Variants in LRCH1 observed in about 807,000 individuals in gnomAD.
The protein encoded by LRCH1 is leucine-rich repeat and calponin homology domain-containing protein 1.
Under a neutral mutation model 94.9 loss-of-function variants are expected in LRCH1, and 23 were observed. The observed-to-expected ratio is 0.24, with a 90% CI of 0.17 to 0.34. LRCH1 has a LOEUF of 0.34. Ranked by LOEUF, LRCH1 falls within the 10% of genes least tolerant of loss-of-function variation. LRCH1 has a pLI of 1.00. For missense variants in LRCH1, 790 were observed against 945.9 expected (o/e 0.84, Z 2.16); for synonymous variants, 364 against 354.9 (o/e 1.03, Z -0.29).
downstream of LRCH1, among the ~76,000 whole-genome samples, chr13:46,747,653 T>C (rs947542656): frequency 5.3e-5 from 8 of 152,218 alleles, no homozygotes; most frequent in Non-Finnish European, 1.2e-4. Flanking sequence ...AAAATTGCTG[T>C]TCACATTCCT....
At chr13:46,610,438 A>G (rs1369830440) in intron 1 of LRCH1, among the ~76,000 whole-genome samples, 1 of 150,350 alleles carries the variant, frequency 6.7e-6, no homozygotes, top group Non-Finnish European at 1.5e-5. Flanking sequence ...GTAATATTTT[A>G]TTAAGTTATC....
rs369931666 is a variant in LRCH1 at position 46,710,236 on chromosome 13, G to GGA, written c.1528-1554_1528-1553dup. On this transcript the variant is annotated intron_variant, in intron 13 of 19. Coordinates refer to ENST00000389797, the MANE Select transcript of LRCH1 (RefSeq NM_001164211.2). Reference sequence around the variant, plus strand: ...TGTTTTAGGTGCTCAGGGACACTGGGGAAGGGGTAGAGTTTAAGGAGAGGA... The same window carrying GGA: ...TGTTTTAGGTGCTCAGGGACACTGGGGAGAAGGGGTAGAGTTTAAGGAGAGGA... 3.9e-4 allele frequency among the ~76,000 whole-genome samples: 60 copies of GGA among 152,326 alleles called. 1 individual carries two copies. Among genetic ancestry groups the GGA allele is most frequent in the African/African-American group, 1.4e-3 (58 of 41,572 alleles).
At position 46,742,616 on chromosome 13, in the gene LRCH1, A is replaced by G. The variant is rs1258123068; in HGVS notation, c.*768A>G. On this transcript the variant is annotated 3_prime_UTR_variant, in exon 20 of 20. Transcript: ENST00000389797. ...GTTTTTTACTGCTTAATTCCTTGTTAGGTCTTCTCTTGAGGCTCTTAGAAA... is the reference window on the plus strand; with the variant it reads ...GTTTTTTACTGCTTAATTCCTTGTTGGGTCTTCTCTTGAGGCTCTTAGAAA... 1.0e-6 allele frequency: 1 copy of G among 985,306 alleles called. No individual in the cohort carries two copies. Among genetic ancestry groups the G allele is most frequent in the Non-Finnish European group, 1.2e-6 (1 of 829,938 alleles). 61.0% of individuals were successfully genotyped at this position (985,306 alleles called of 1,614,324 possible). A position where few individuals can be genotyped will look rare whatever the true frequency, so the allele number is the denominator to read the frequency against.
intron 18 of LRCH1, among the ~76,000 whole-genome samples, chr13:46,731,633 T>C (rs986723987): frequency 6.6e-6 from 1 of 152,252 alleles, no homozygotes; most frequent in African/African-American, 2.4e-5. Context: ...TTTCTAAATA[T>C]CCACTTCTAC....
chr13:46,716,902 G>GTT (rs11311931), intron 16 of LRCH1, among the ~76,000 whole-genome samples: 2 of 149,296 alleles, frequency 1.3e-5, no homozygotes, highest in African/African-American at 4.9e-5. Context: ...CTTTACTTAA[G>GTT]TTTTTTTTTT....
At chr13:46,579,890 T>G (rs1463773750) in intron 1 of LRCH1, among the ~76,000 whole-genome samples, 1 of 152,246 alleles carries the variant, frequency 6.6e-6, no homozygotes, top group Non-Finnish European at 1.5e-5. Flanking sequence ...TTGGCTGATC[T>G]TAACCTTAGC....
intron 1 of LRCH1, among the ~76,000 whole-genome samples, chr13:46,631,317 T>C (rs2051014703): frequency 6.6e-6 from 1 of 152,236 alleles, no homozygotes; most frequent in Non-Finnish European, 1.5e-5. Flanking sequence ...TGAGGCTTTT[T>C]AGGTGGCTTC....
intron 1 of LRCH1, among the ~76,000 whole-genome samples, chr13:46,607,580 T>C (rs570360263): frequency 5.9e-5 from 9 of 152,034 alleles, no homozygotes; most frequent in African/African-American, 2.2e-4. Flanking sequence ...TCATTGTTCT[T>C]CTCCTTCTCC....
At chr13:46,701,088 G>A (rs998721084) in intron 10 of LRCH1, 33 bp from the exon 11 acceptor site, 7 of 1,362,496 alleles carry the variant, frequency 5.1e-6, no homozygotes, top group East Asian at 2.3e-5. Flanking sequence ...TGTATTGATC[G>A]TTTTCATTCT....
At chr13:46,652,138 G>A (rs1242523964) in intron 2 of LRCH1, among the ~76,000 whole-genome samples, 1 of 149,638 alleles carries the variant, frequency 6.7e-6, no homozygotes, top group Non-Finnish European at 1.5e-5. Flanking sequence ...GTGCAGTGGC[G>A]CGATCTCGGC....
intron 1 of LRCH1, among the ~76,000 whole-genome samples, chr13:46,635,897 A>G (rs1475456548): frequency 6.6e-6 from 1 of 151,486 alleles, no homozygotes; most frequent in East Asian, 1.9e-4. Flanking sequence ...CCCCCATACC[A>G]TGCCCCTCTC....
At chr13:46,643,445 C>G (rs2051183331) in intron 1 of LRCH1, among the ~76,000 whole-genome samples, 1 of 152,144 alleles carries the variant, frequency 6.6e-6, no homozygotes, top group African/African-American at 2.4e-5. Flanking sequence ...TTTTTCTCTC[C>G]CTTTTAAAGA....
At chr13:46,750,057 C>T (rs1406048508) in intron 18 of LRCH1, among the ~76,000 whole-genome samples, 1 of 152,186 alleles carries the variant, frequency 6.6e-6, no homozygotes. Flanking sequence ...TGCCAGTCCA[C>T]CCACTTGCCT....
At chr13:46,693,308 A>T (rs1406333126) in intron 8 of LRCH1, among the ~76,000 whole-genome samples, 1 of 152,234 alleles carries the variant, frequency 6.6e-6, no homozygotes, top group East Asian at 1.9e-4. Context: ...GTATTGATTT[A>T]AGGACCCAAG....
chr13:46,636,914 T>G (rs148795867), intron 1 of LRCH1, among the ~76,000 whole-genome samples: 28 of 152,284 alleles, frequency 1.8e-4, no homozygotes, highest in Middle Eastern at 3.4e-3. Flanking sequence ...TCACTCCTCT[T>G]TAGAGTTGAT....
intron 1 of LRCH1, among the ~76,000 whole-genome samples, chr13:46,628,660 G>GAAAA (rs749021332): frequency 3.4e-5 from 4 of 118,016 alleles, no homozygotes; most frequent in African/African-American, 3.3e-5. Context: ...CTGTCTCAGG[G>GAAAA]AAGAAAAAAA....
Position 46,728,868 on chromosome 13 carries a change from G to A in LRCH1, c.1891G>A (p.Val631Ile). ...ACAGAGCATTGAGATGAGATTGAAG[G>A]TCAGTCTACACGAAGACCTGGGGGC... Reference protein sequence around the residue: ...LRESIEMRLKVSLHEDLGAAL... With the variant: ...LRESIEMRLKISLHEDLGAAL... Residue 631 changes from valine (V) to isoleucine (I), a missense_variant, in exon 18 of 20, where the codon GTC (valine) becomes ATC (isoleucine). Physicochemically the swap from Val to Ile is conservative, Grantham distance 29 (BLOSUM62 3). Transcript: ENST00000389797. 6.2e-7 allele frequency: 1 copy of A among 1,609,028 alleles called. No homozygotes were observed. Among genetic ancestry groups the A allele is most frequent in the East Asian group, 2.2e-5 (1 of 44,742 alleles).
At chr13:46,717,055 CT>C (rs11304827) in intron 16 of LRCH1, among the ~76,000 whole-genome samples, 49,317 of 148,500 alleles carry the variant, frequency 0.33, 8,237 homozygotes, top group Non-Finnish European at 0.38. Context: ...AACCAAAGGC[CT>C]TTTTTTTTTT....
chr13:46,681,670 G>A, intron 3 of LRCH1, 71 bp from the exon 4 acceptor site: 5 of 1,024,370 alleles, frequency 4.9e-6, no homozygotes, highest in Non-Finnish European at 7.7e-6. Context: ...ATTCCTTAAG[G>A]AGATTTCACA....
Sources: gnomAD v4.1 joint callset for allele counts (sites outside exome capture counted in the v4.1 genomes callset) on GRCh38, gnomAD v4.1.1 for gene constraint, MANE v1.5 for transcripts, NCBI Gene and HGNC (gene_info 2026-07-23, HGNC 2026-07-21) for gene names.